The following ZNF423 variants were observed in gnomAD, a reference collection of about 807,000 sequenced individuals.
ZNF423 encodes zinc finger protein 423, also known as Ebf-associated zinc finger protein.
In ZNF423, 12 loss-of-function variants were observed where a neutral mutation model predicts 95.8. The observed-to-expected ratio is 0.13, with a 90% confidence interval of 0.08 to 0.20. The LOEUF is 0.20. ZNF423 is among the 10% of genes least tolerant of loss of function. The pLI is 1.00. For synonymous variants in ZNF423, 749 were observed against 711.9 expected (o/e 1.05, Z -0.83); for missense variants, 1,316 against 1,737.1 (o/e 0.76, Z 4.31).
At chr16:49,613,645 A>G (rs1971791975) in intron 5 of ZNF423, among the ~76,000 whole-genome samples, 1 of 152,238 alleles carries the variant, frequency 6.6e-6, no homozygotes, top group Admixed American at 6.5e-5. Context: ...TCAAGGCTTC[A>G]GTGAGCTATG....
chr16:49,766,904 G>A (rs1262579468), intron 2 of ZNF423, among the ~76,000 whole-genome samples: 1 of 152,084 alleles, frequency 6.6e-6, no homozygotes. Flanking sequence ...GGAGGTCCTG[G>A]GATGCAAACT....
At chr16:49,580,858 G>GT (rs1329366101) in intron 5 of ZNF423, among the ~76,000 whole-genome samples, 1 of 152,138 alleles carries the variant, frequency 6.6e-6, no homozygotes, top group African/African-American at 2.4e-5. Flanking sequence ...TCTGTGGATC[G>GT]TGAGAGCATA....
At chr16:49,753,643 T>A (rs188642531) in intron 2 of ZNF423, among the ~76,000 whole-genome samples, 1 of 149,788 alleles carries the variant, frequency 6.7e-6, no homozygotes, top group African/African-American at 2.5e-5. Flanking sequence ...GGACAGGAAC[T>A]GTTGAAAAGC....
Position 49,638,419 on chromosome 16 carries a change from T to G in ZNF423, c.757A>C (p.Lys253Gln), listed in dbSNP as rs1452773671. Reference sequence around the variant, plus strand: ...TTGGCCAGATGCTCCTTGTTCTTTTTGTGGGCCTGCATGTGGCTCTGCAGC... The same window carrying G: ...TTGGCCAGATGCTCCTTGTTCTTTTGGTGGGCCTGCATGTGGCTCTGCAGC... ...SSLQSHMQAHKKNKEHLAKSE... is the reference protein window; with the variant it reads ...SSLQSHMQAHQKNKEHLAKSE... Residue 253 changes from lysine to glutamine, a missense_variant, in exon 4 of 8, where the codon AAA becomes CAA. Physicochemically the swap from Lys to Gln is moderately conservative, Grantham distance 53 (BLOSUM62 1). Around this residue, in one of 6 missense-constraint regions of ZNF423, gnomAD observed 399 missense variants for 478.5 expected, o/e 0.83. Transcript: ENST00000563137. This position sits in a 1 kb window ranked among gnomAD's most constrained non-coding sequence, Gnocchi z 5.6. 6 of 1,613,936 alleles carry G rather than the reference T, an allele frequency of 3.7e-6. No individual in the cohort carries two copies. Among genetic ancestry groups the G allele is most frequent in the Non-Finnish European group, 5.1e-6 (6 of 1,180,036 alleles).
intron 1 of ZNF423, among the ~76,000 whole-genome samples, chr16:49,840,690 C>T (rs1049151085): frequency 6.6e-5 from 10 of 152,058 alleles, no homozygotes; most frequent in South Asian, 2.1e-4. Context: ...TTCATGCACA[C>T]GTGTACACAC....
chr16:49,851,828 AAAGG>A, intron 1 of ZNF423, among the ~76,000 whole-genome samples: 1 of 152,354 alleles, frequency 6.6e-6, no homozygotes, highest in African/African-American at 2.4e-5. Flanking sequence ...TACTAGACGT[AAAGG>A]ATGTTTTCTA....
At chr16:49,803,203 G>T (rs1236745972) in intron 1 of ZNF423, among the ~76,000 whole-genome samples, 1 of 152,140 alleles carries the variant, frequency 6.6e-6, no homozygotes, top group Non-Finnish European at 1.5e-5. Flanking sequence ...AGGCTGCAGT[G>T]AGTTATGATG....
intron 2 of ZNF423, among the ~76,000 whole-genome samples, chr16:49,747,275 C>T (rs2033544606): frequency 6.6e-6 from 1 of 151,688 alleles, no homozygotes; most frequent in African/African-American, 2.4e-5. Flanking sequence ...AATGAAACAG[C>T]TACATGTATC....
At chr16:49,772,584 T>A (rs145497496) in intron 2 of ZNF423, among the ~76,000 whole-genome samples, 270 of 152,336 alleles carry the variant, frequency 1.8e-3, no homozygotes, top group African/African-American at 6.1e-3. Flanking sequence ...CTAAAGTTAG[T>A]CTATGAGGCA....
intron 3 of ZNF423, among the ~76,000 whole-genome samples, chr16:49,716,039 G>C (rs1273355894): frequency 6.6e-6 from 1 of 151,990 alleles, no homozygotes; most frequent in East Asian, 1.9e-4. Flanking sequence ...AGAGGCACAG[G>C]GCCAGGCAGG....
At chr16:49,641,483 C>G (rs1972973525) in intron 3 of ZNF423, among the ~76,000 whole-genome samples, 3 of 152,202 alleles carry the variant, frequency 2.0e-5, no homozygotes, top group East Asian at 1.9e-4. Flanking sequence ...GGAACCCACC[C>G]AGCAACTGAT....
intron 5 of ZNF423, among the ~76,000 whole-genome samples, chr16:49,611,297 A>G (rs1407181932): frequency 6.6e-6 from 1 of 152,094 alleles, no homozygotes; most frequent in Non-Finnish European, 1.5e-5. Context: ...GAAATCATAC[A>G]TAGTGTTTTT....
intron 3 of ZNF423, among the ~76,000 whole-genome samples, chr16:49,664,537 G>A (rs986835766): frequency 9.9e-5 from 15 of 152,206 alleles, no homozygotes; most frequent in Admixed American, 7.2e-4. Context: ...TGGGGCCGGC[G>A]CCATGCCAGG....
rs113692835 is a variant in ZNF423, at chr16:49,493,725, C to T, written c.3850-2421G>A. Among the ~76,000 whole-genome samples the T allele has an allele frequency of 4.3e-3, 658 of 152,182 alleles. 4 individuals carry two copies. The highest frequency in any genetic ancestry group is 0.014 in the African/African-American group (586 of 41,486). The stretch of plus-strand genomic sequence containing the variant: ...TGTGAATGAGTCAATGGAAAGAAAA[C>T]GAATGAATGTATGGATAGGATGTGG... On this transcript the variant is annotated intron_variant, in intron 7 of 7. Coordinates refer to ENST00000563137, the MANE Select transcript of ZNF423 (RefSeq NM_001379286.1).
intron 3 of ZNF423, among the ~76,000 whole-genome samples, chr16:49,722,717 C>T (rs926102579): frequency 1.3e-5 from 2 of 152,138 alleles, no homozygotes; most frequent in Non-Finnish European, 2.9e-5. Flanking sequence ...GGGCTGTAGC[C>T]TCCTTAGCCC....
chr16:49,848,702 C>T (rs2035270876), intron 1 of ZNF423, among the ~76,000 whole-genome samples: 1 of 152,172 alleles, frequency 6.6e-6, no homozygotes, highest in Admixed American at 6.5e-5. Flanking sequence ...TGGAGAAAAA[C>T]AAAATTAGTC....
Position 49,636,902 on chromosome 16 carries a change from G to A in ZNF423, c.2274C>T (p.Tyr758=). The change falls in exon 4 of 8, where the codon TAC becomes TAT. Residue 758 remains tyrosine (Y), a synonymous_variant. Coordinates refer to ENST00000563137, the MANE Select transcript of ZNF423 (RefSeq NM_001379286.1). This position sits in a 1 kb window ranked among gnomAD's most constrained non-coding sequence, Gnocchi z 8.6. ...AVKHSNEKKM[Y]RCTACNWDFR... ...AGTCCCAGTTGCAGGCCGTGCAGCG[G>A]TACATCTTCTTCTCATTGCTGTGCT... 6.2e-7 allele frequency: 1 copy of A among 1,613,948 alleles called. No homozygotes were observed. The highest frequency in any genetic ancestry group is 8.5e-7 in the Non-Finnish European group (1 of 1,180,032).
chr16:49,701,605 G>A (rs924512672), intron 3 of ZNF423, among the ~76,000 whole-genome samples: 4 of 152,212 alleles, frequency 2.6e-5, no homozygotes, highest in East Asian at 1.9e-4. Flanking sequence ...AGAGGGGCAC[G>A]GCAGAGGTGT....
chr16:49,815,879 AAAATATATATAT>A (rs1385021002), intron 1 of ZNF423, among the ~76,000 whole-genome samples: 99 of 59,594 alleles, frequency 1.7e-3, no homozygotes, highest in Non-Finnish European at 2.4e-3. Context: ...ACAAAAAAAA[AAAATATATATAT>A]ATATATATAT....
Sources: gnomAD v4.1 joint callset for allele counts (sites outside exome capture counted in the v4.1 genomes callset) on GRCh38, gnomAD v4.1.1 for gene constraint, gnomAD v4.1.1 regional missense constraint, Gnocchi (gnomAD v3.1) non-coding constraint, MANE v1.5 for transcripts, NCBI Gene and HGNC (gene_info 2026-07-23, HGNC 2026-07-21) for gene names.